Variants in DCC observed in about 807,000 individuals in gnomAD.
DCC encodes netrin receptor DCC.
A neutral mutation model predicts 172.5 loss-of-function variants in DCC; 58 were observed. The ratio of observed to expected loss-of-function variants is 0.34; its 90% CI spans 0.27 to 0.42. The LOEUF is 0.42. Ranked by LOEUF, DCC falls within the 10% of genes least tolerant of loss-of-function variation. DCC has a pLI of 1.00. For synonymous variants in DCC, 709 were observed against 644.5 expected, an observed-to-expected ratio of 1.10 and a Z score of -1.52; for missense variants, 1,740 against 1,791.0, an observed-to-expected ratio of 0.97 and a Z score of 0.51.
intron 5 of DCC, among the ~76,000 whole-genome samples, chr18:53,011,735 G>A (rs1599026440): frequency 2.2e-5 from 2 of 91,972 alleles, no homozygotes; most frequent in Admixed American, 1.1e-4. Context: ...TTAAGTTCAT[G>A]GGCCCTACCT....
At chr18:52,982,341 G>T (rs1568226424) in intron 5 of DCC, among the ~76,000 whole-genome samples, 1 of 152,164 alleles carries the variant, frequency 6.6e-6, no homozygotes, top group Non-Finnish European at 1.5e-5. Context: ...CAATGCAGCA[G>T]ATGACAAATT....
intron 7 of DCC, among the ~76,000 whole-genome samples, chr18:53,130,232 A>G (rs1440182776): frequency 6.6e-6 from 1 of 152,158 alleles, no homozygotes; most frequent in Non-Finnish European, 1.5e-5. Flanking sequence ...TTCACTTTAG[A>G]ACAACCAGGT....
At chr18:52,555,131 A>G (rs2032878673) in intron 1 of DCC, among the ~76,000 whole-genome samples, 1 of 152,030 alleles carries the variant, frequency 6.6e-6, no homozygotes, top group East Asian at 1.9e-4. Context: ...CTGGCTTTTA[A>G]AGTGTCATCA....
In DCC at chr18:53,160,251, CCT is replaced by C. The variant is rs1226174412; in HGVS notation, c.1418+2743_1418+2744del. 2.0e-5 allele frequency among the ~76,000 whole-genome samples: 3 copies of C among 152,278 alleles called. No homozygotes were observed. In the East Asian group the frequency reaches 5.8e-4, roughly 30 times the overall value. ...ACCTTGACAACACCAATCACTGCAA[CCT>C]CTCATTATCTGAGTTTCAAATCATA... On this transcript the variant is annotated intron_variant, in intron 8 of 28. Transcript: ENST00000442544.
intron 23 of DCC, among the ~76,000 whole-genome samples, chr18:53,453,657 A>G (rs1465927447): frequency 6.6e-6 from 1 of 152,170 alleles, no homozygotes; most frequent in Non-Finnish European, 1.5e-5. Flanking sequence ...CATTTTTATT[A>G]TATAAAATAG....
At chr18:53,394,635 G>T (rs1330081688) in intron 17 of DCC, among the ~76,000 whole-genome samples, 1 of 151,954 alleles carries the variant, frequency 6.6e-6, no homozygotes, top group Non-Finnish European at 1.5e-5. Context: ...GCAGGACTCA[G>T]TCTCAGCTCT....
chr18:53,108,354 A>C (rs1043474130), intron 7 of DCC, among the ~76,000 whole-genome samples: 3 of 151,796 alleles, frequency 2.0e-5, no homozygotes, highest in African/African-American at 4.8e-5. Context: ...CTTCTTTCTA[A>C]GTGATATATG....
chr18:53,151,076 C>T (rs2043989693), intron 7 of DCC, among the ~76,000 whole-genome samples: 1 of 152,226 alleles, frequency 6.6e-6, no homozygotes. Flanking sequence ...AACAGCTTCT[C>T]ACCCAGTGCC....
rs552641326 is a variant in DCC, at chr18:53,369,784, C to T, written c.2360-16259C>T. Among the ~76,000 whole-genome samples, 28 of 151,734 alleles carry T rather than the reference C, an allele frequency of 1.8e-4. 1 individual carries two copies. In the East Asian group the frequency reaches 2.9e-3, roughly 16 times the overall value. The stretch of plus-strand genomic sequence containing the variant: ...TGGATTACATTGATTAATTTTTGTA[C>T]GTCAAATCATTTTTACCTTCCAGGA... On this transcript the variant is annotated intron_variant, in intron 15 of 28. Coordinates refer to ENST00000442544, the MANE Select transcript of DCC (RefSeq NM_005215.4).
intron 2 of DCC, among the ~76,000 whole-genome samples, chr18:52,767,739 C>A (rs781391455): frequency 6.6e-6 from 1 of 152,100 alleles, no homozygotes; most frequent in Non-Finnish European, 1.5e-5. Context: ...TAAAAAAGGG[C>A]TTTTTAAAAG....
At chr18:53,057,178 C>G (rs559705729) in intron 5 of DCC, among the ~76,000 whole-genome samples, 3 of 146,938 alleles carry the variant, frequency 2.0e-5, no homozygotes, top group South Asian at 2.3e-4. Flanking sequence ...ACCCATAATA[C>G]TATTTAAGCT....
At chr18:52,594,130 G>A (rs2033859587) in intron 1 of DCC, among the ~76,000 whole-genome samples, 2 of 152,134 alleles carry the variant, frequency 1.3e-5, no homozygotes, top group African/African-American at 4.8e-5. Flanking sequence ...GCTATAATAA[G>A]TCATAGCTCT....
intron 1 of DCC, among the ~76,000 whole-genome samples, chr18:52,409,968 G>A (rs1306927428): frequency 6.6e-6 from 1 of 152,148 alleles, no homozygotes; most frequent in African/African-American, 2.4e-5. Flanking sequence ...TCAGTGTCAA[G>A]TGAGTGTGAA....
intron 2 of DCC, among the ~76,000 whole-genome samples, chr18:52,801,340 C>A (rs2037981236): frequency 6.6e-6 from 1 of 152,118 alleles, no homozygotes. Context: ...CAACAGCTCA[C>A]ACGTATGGAG....
chr18:53,052,628 C>G (rs73957007), intron 5 of DCC, among the ~76,000 whole-genome samples: 2 of 151,960 alleles, frequency 1.3e-5, no homozygotes, highest in South Asian at 2.1e-4. Context: ...AATAACCAGG[C>G]ATGGTAGGGG....
At chr18:53,022,893 G>C (rs2041901424) in intron 5 of DCC, among the ~76,000 whole-genome samples, 1 of 151,994 alleles carries the variant, frequency 6.6e-6, no homozygotes, top group African/African-American at 2.4e-5. Flanking sequence ...CAGTACATGA[G>C]AGCTCATCAT....
chr18:53,014,544 G>GT (rs1197968290), intron 5 of DCC, among the ~76,000 whole-genome samples: 2 of 147,116 alleles, frequency 1.4e-5, no homozygotes, highest in Non-Finnish European at 3.0e-5. Context: ...GCAGTGTTTG[G>GT]TTTTTTGTCC....
intron 1 of DCC, among the ~76,000 whole-genome samples, chr18:52,518,947 A>C (rs2031724285): frequency 6.6e-6 from 1 of 152,208 alleles, no homozygotes. Flanking sequence ...ATTAATTTGT[A>C]ACCCTAAATG....
chr18:53,439,445 G>A (rs1361070920), intron 22 of DCC, among the ~76,000 whole-genome samples: 2 of 152,270 alleles, frequency 1.3e-5, no homozygotes, highest in South Asian at 2.1e-4. Flanking sequence ...TAGAGTGACA[G>A]AATTATAGAG....
Sources: gnomAD v4.1 joint callset for allele counts (sites outside exome capture counted in the v4.1 genomes callset) on GRCh38, gnomAD v4.1.1 for gene constraint, MANE v1.5 for transcripts, NCBI Gene and HGNC (gene_info 2026-07-23, HGNC 2026-07-21) for gene names.